RBFOX1: variants seen among roughly 807,000 people sequenced by gnomAD.
The protein encoded by RBFOX1 is RNA binding protein fox-1 homolog 1.
RBFOX1 carries 8 observed loss-of-function variants against 57.7 expected under a neutral mutation model. The ratio of observed to expected loss-of-function variants is 0.14; its 90% CI spans 0.08 to 0.25. The LOEUF is 0.25. RBFOX1 is among the 10% of genes least tolerant of loss of function. The pLI is 1.00. For synonymous variants in RBFOX1, 326 were observed against 222.4 expected, an observed-to-expected ratio of 1.47 and a Z score of -4.15; for missense variants, 611 against 548.5, an observed-to-expected ratio of 1.11 and a Z score of -1.14.
chr16:5,793,649 G>A (rs1168956774), intron 3 of RBFOX1, among the ~76,000 whole-genome samples: 1 of 152,212 alleles, frequency 6.6e-6, no homozygotes, highest in East Asian at 1.9e-4. Flanking sequence ...TGAGGAACCC[G>A]GTACTTGCAG....
chr16:6,721,453 A>G (rs1214799677), intron 3 of RBFOX1, among the ~76,000 whole-genome samples: 1 of 152,198 alleles, frequency 6.6e-6, no homozygotes, highest in East Asian at 1.9e-4. Flanking sequence ...AAAAACAACA[A>G]CAACAAAACC....
intron 14 of RBFOX1, among the ~76,000 whole-genome samples, chr16:7,700,060 C>T (rs745640916): frequency 1.3e-5 from 2 of 152,096 alleles, no homozygotes; most frequent in Non-Finnish European, 2.9e-5. Context: ...AACCTCCCTA[C>T]TTCTCAACCT....
In RBFOX1 at chr16:6,097,057, GT is replaced by G. The variant is rs1475241510; in HGVS notation, c.-127+77068del. Among the ~76,000 whole-genome samples the G allele has an allele frequency of 3.3e-5, 5 of 152,090 alleles. No homozygotes were observed. The highest frequency in any genetic ancestry group is 9.7e-5 in the African/African-American group (4 of 41,430). On this transcript the variant is annotated intron_variant, in intron 1 of 15. Transcript: ENST00000550418. This position sits in a 1 kb window ranked among gnomAD's most constrained non-coding sequence, Gnocchi z 5.0. Reference sequence around the variant, plus strand: ...GGGAGATAACTGAATCATGGGGGTGGTTTCCCCCATACTGTTGTCATGGTGG... The same window carrying G: ...GGGAGATAACTGAATCATGGGGGTGGTTCCCCCATACTGTTGTCATGGTGG...
intron 3 of RBFOX1, among the ~76,000 whole-genome samples, chr16:6,911,638 T>C (rs1411707243): frequency 3.3e-5 from 5 of 152,156 alleles, no homozygotes; most frequent in Non-Finnish European, 7.4e-5. Flanking sequence ...TCCTAAGGGG[T>C]TGGGCTTCAA....
intron 3 of RBFOX1, among the ~76,000 whole-genome samples, chr16:6,831,494 GC>G (rs1446836450): frequency 6.6e-6 from 1 of 152,070 alleles, no homozygotes. Flanking sequence ...CATTTACTTA[GC>G]CTAATATATT....
chr16:5,283,028 T>G (rs1327970170), intron 1 of RBFOX1, among the ~76,000 whole-genome samples: 3 of 152,000 alleles, frequency 2.0e-5, no homozygotes, highest in Non-Finnish European at 4.4e-5. Flanking sequence ...CAGCCTAGGG[T>G]GCCTGAGTCC....
chr16:5,291,014 T>G lies in RBFOX1; in HGVS notation c.219+50909T>G, dbSNP rs141672857. ...TGCGCTCAGCCAGATTTAAGGGACT[T>G]TCAAGAAGTTTGTGTGGCTGAAGCC... On this transcript the variant is annotated intron_variant, in intron 1 of 2. Coordinates refer to the RBFOX1 transcript ENST00000585867. 6.1e-3 allele frequency among the ~76,000 whole-genome samples: 921 copies of G among 152,226 alleles called. 6 individuals are homozygous for G. The highest frequency in any genetic ancestry group is 0.021 in the African/African-American group (879 of 41,552).
At chr16:7,321,648 A>G (rs1415270000) in intron 4 of RBFOX1, among the ~76,000 whole-genome samples, 6 of 152,344 alleles carry the variant, frequency 3.9e-5, no homozygotes, top group Admixed American at 2.0e-4. Flanking sequence ...GTGAAGATTA[A>G]GTGAGTTAAT....
chr16:6,856,240 G>A lies in RBFOX1; in HGVS notation c.-15-195817G>A, dbSNP rs572998146. On this transcript the variant is annotated intron_variant, in intron 3 of 15. Transcript: ENST00000550418. The stretch of plus-strand genomic sequence containing the variant: ...CACGAGAAACATCTGAATCATCAAG[G>A]CAGCCTCCATCTGCTCAGATCTTTT... Among the ~76,000 whole-genome samples the A allele has an allele frequency of 2.6e-5, 4 of 152,180 alleles. No individual in the cohort carries two copies. In the East Asian group the frequency reaches 7.7e-4, roughly 29 times the overall value.
At chr16:6,691,803 C>G (rs183437074) in intron 3 of RBFOX1, among the ~76,000 whole-genome samples, 169 of 152,304 alleles carry the variant, frequency 1.1e-3, no homozygotes, top group Non-Finnish European at 1.9e-3. Context: ...TCCAGATAGG[C>G]TCGATGTCAT....
At chr16:5,529,211 C>T (rs1007863776) in intron 2 of RBFOX1, among the ~76,000 whole-genome samples, 1 of 152,034 alleles carries the variant, frequency 6.6e-6, no homozygotes, top group Non-Finnish European at 1.5e-5. Context: ...TCATTATTTA[C>T]CTGCCTGAGG....
intron 3 of RBFOX1, among the ~76,000 whole-genome samples, chr16:5,792,595 C>T (rs1330966030): frequency 2.0e-5 from 3 of 152,184 alleles, no homozygotes; most frequent in Non-Finnish European, 2.9e-5. Flanking sequence ...GTAATCCCAG[C>T]ACTTTGGGAG....
At chr16:7,213,150 C>T (rs2091452492) in intron 4 of RBFOX1, among the ~76,000 whole-genome samples, 1 of 152,106 alleles carries the variant, frequency 6.6e-6, no homozygotes, top group African/African-American at 2.4e-5. Context: ...AGCCCGAACT[C>T]CCTAACCACC....
chr16:5,283,664 C>T (rs1403057420), intron 1 of RBFOX1, among the ~76,000 whole-genome samples: 4 of 152,188 alleles, frequency 2.6e-5, no homozygotes, highest in African/African-American at 9.7e-5. Context: ...TGCGTGGGGC[C>T]TGTAGCCCCT....
chr16:7,567,629 ATATATATCCCTATATATGGCCC>A (rs1332354807), intron 5 of RBFOX1, among the ~76,000 whole-genome samples: 7 of 80,744 alleles, frequency 8.7e-5, no homozygotes, highest in South Asian at 6.0e-4. Context: ...CTATATATAT[ATATATATCCCTATATATGGCCC>A]TATATATATA....
At chr16:6,228,655 G>T (rs1268413114) in intron 1 of RBFOX1, among the ~76,000 whole-genome samples, 2 of 152,134 alleles carry the variant, frequency 1.3e-5, no homozygotes, top group Non-Finnish European at 2.9e-5. Flanking sequence ...ACCAAGGGCT[G>T]GTGGCTGGCA....
intron 2 of RBFOX1, among the ~76,000 whole-genome samples, chr16:6,471,108 C>A (rs907023573): frequency 6.6e-6 from 1 of 152,146 alleles, no homozygotes; most frequent in Non-Finnish European, 1.5e-5. Flanking sequence ...TTACCTGTGC[C>A]CCCTTTCCCT....
chr16:7,426,809 G>T (rs954326363), intron 4 of RBFOX1, among the ~76,000 whole-genome samples: 1 of 152,184 alleles, frequency 6.6e-6, no homozygotes, highest in Non-Finnish European at 1.5e-5. Flanking sequence ...AAGCAGAGAG[G>T]CAAGGCAGGC....
chr16:5,544,151 A>T (rs1249252124), intron 2 of RBFOX1, among the ~76,000 whole-genome samples: 1 of 152,152 alleles, frequency 6.6e-6, no homozygotes, highest in Non-Finnish European at 1.5e-5. Context: ...CCCAAATTTT[A>T]TTTGGTAAAA....
Sources: gnomAD v4.1 joint callset for allele counts (sites outside exome capture counted in the v4.1 genomes callset) on GRCh38, gnomAD v4.1.1 for gene constraint, Gnocchi (gnomAD v3.1) non-coding constraint, MANE v1.5 for transcripts, NCBI Gene and HGNC (gene_info 2026-07-23, HGNC 2026-07-21) for gene names.